The following FSIP2 variants were observed in gnomAD, a reference collection of about 807,000 sequenced individuals.
The protein encoded by FSIP2 is fibrous sheath-interacting protein 2.
FSIP2 carries 367 observed loss-of-function variants against 510.5 expected under a neutral mutation model. The ratio of observed to expected loss-of-function variants is 0.72; its 90% confidence interval spans 0.66 to 0.78. The LOEUF is 0.78. Among genes scored for constraint, FSIP2 ranks in the 30% least tolerant of loss-of-function variants. The probability of loss-of-function intolerance (pLI) is 0.00; values close to 1 mark genes in which losing one functional copy is unlikely to be tolerated. For synonymous variants in FSIP2, 2,601 were observed against 2,732.2 expected (o/e 0.95, Z 1.50); for missense variants, 7,594 against 7,901.7 (o/e 0.96, Z 1.48).
chr2:185,831,131 A>T (rs946226199), intron 21 of FSIP2, among the ~76,000 whole-genome samples: 2 of 151,902 alleles, frequency 1.3e-5, no homozygotes, highest in African/African-American at 4.8e-5. Flanking sequence ...CATGTATTTA[A>T]GCCTTGTTTT....
Position 185,806,085 on chromosome 2 carries a change from A to G in FSIP2, c.16779A>G (p.Thr5593=), listed in dbSNP as rs189828771. Residue 5593 remains threonine, a synonymous_variant, in exon 17 of 23, where the codon ACA becomes ACG. Coordinates refer to ENST00000424728, the MANE Select transcript of FSIP2 (RefSeq NM_173651.4). ...ATTTTTCATTAATAATTGATGATAC[A>G]GAATATGAGAAGGAAGTACTTGGAT... ...YTHFSLIIDD[T]EYEKEVLGSD... 7.0e-4 allele frequency: 1,101 copies of G among 1,573,598 alleles called. 2 individuals carry two copies. The highest frequency in any genetic ancestry group is 8.6e-4 in the Non-Finnish European group (1,000 of 1,162,742).
chr2:185,780,324 A>C (rs1258130117), intron 13 of FSIP2, among the ~76,000 whole-genome samples: 1 of 151,798 alleles, frequency 6.6e-6, no homozygotes, highest in Non-Finnish European at 1.5e-5. Flanking sequence ...CATGTCCTTT[A>C]ACAACTTTAT....
intron 12 of FSIP2, 122 bp downstream of exon 12, chr2:185,763,411 T>C (rs998521393): frequency 1.6e-6 from 1 of 626,434 alleles, no homozygotes; most frequent in African/African-American, 1.8e-5. Context: ...TTCCCTGAAA[T>C]TAGTCATACA....
chr2:185,804,521 C>A lies in FSIP2; in HGVS notation c.15215C>A (p.Ser5072Ter). The change falls in exon 17 of 23, where the codon TCA becomes TAA. Residue 5072 changes from serine to a stop codon, truncating the protein, a stop_gained. Coordinates refer to ENST00000424728, the MANE Select transcript of FSIP2 (RefSeq NM_173651.4). LOFTEE classifies it high-confidence loss of function. ...LEEIYDYQVQSLVSGELESSS... is the reference protein window; with the variant it reads ...LEEIYDYQVQ Reference sequence around the variant, plus strand: ...GAAATATATGATTATCAAGTGCAGTCATTAGTTTCAGGAGAATTAGAGTCT... The same window carrying A: ...GAAATATATGATTATCAAGTGCAGTAATTAGTTTCAGGAGAATTAGAGTCT... 1 of 1,516,414 alleles carries A rather than the reference C, an allele frequency of 6.6e-7. No homozygotes were observed. The highest frequency in any genetic ancestry group is 1.2e-5 in the South Asian group (1 of 80,754). 93.9% of individuals were successfully genotyped at this position (1,516,414 alleles called of 1,614,324 possible).
chr2:185,757,854 G>T (rs949712124), intron 9 of FSIP2, among the ~76,000 whole-genome samples: 1 of 151,210 alleles, frequency 6.6e-6, no homozygotes, highest in African/African-American at 2.4e-5. Flanking sequence ...TGTATAAACA[G>T]ATGTATAGAT....
Position 185,795,969 on chromosome 2 carries a change from C to CT in FSIP2, c.8834dup (p.Ser2946IlefsTer4). 1.3e-6 allele frequency: 2 copies of CT among 1,534,754 alleles called. No homozygotes were observed. The highest frequency in any genetic ancestry group is 1.7e-6 in the Non-Finnish European group (2 of 1,146,058). ...TCCCACTCCAGATAGTGAAGAAACT[C>CT]TATCAAACAGTAAAGAACACATTAC... On this transcript the variant is annotated frameshift_variant, in exon 16 of 23. Transcript: ENST00000424728. LOFTEE classifies it high-confidence loss of function.
In FSIP2 at chr2:185,800,578, G is replaced by A. The variant is rs1163278878; in HGVS notation, c.11272G>A (p.Glu3758Lys). Residue 3758 changes from glutamate (E) to lysine (K), a missense_variant, in exon 17 of 23, where the codon GAG (glutamate) becomes AAG (lysine). By Grantham distance (56) the Glu-to-Lys change is moderately conservative. Coordinates refer to ENST00000424728, the MANE Select transcript of FSIP2 (RefSeq NM_173651.4). Reference protein sequence around the residue: ...KSVFLLNVVCEKLIRILLEEC... With the variant: ...KSVFLLNVVCKKLIRILLEEC... ...AGTTTTTCTTCTCAATGTTGTATGT[G>A]AGAAACTTATCAGAATACTTTTGGA... is the stretch of plus-strand genomic sequence containing the variant. The A allele has an allele frequency of 6.5e-6, 10 of 1,530,010 alleles. No homozygotes were observed. The highest frequency in any genetic ancestry group is 2.0e-5 in the Admixed American group (1 of 50,136). 94.8% of individuals were successfully genotyped at this position (1,530,010 alleles called of 1,614,324 possible).
intron 14 of FSIP2, among the ~76,000 whole-genome samples, chr2:185,785,030 TG>T (rs1319070658): frequency 6.6e-6 from 1 of 152,086 alleles, no homozygotes; most frequent in Non-Finnish European, 1.5e-5. Flanking sequence ...TGTATGCTTT[TG>T]GAGCAAAAAG....
In FSIP2 at chr2:185,801,119, C is replaced by T. The variant is rs533548666; in HGVS notation, c.11813C>T (p.Ser3938Phe). The change falls in exon 17 of 23, where the codon TCC (serine) becomes TTC (phenylalanine). Residue 3938 changes from serine to phenylalanine, a missense_variant. By Grantham distance (155) the Ser-to-Phe change is radical. Coordinates refer to ENST00000424728, the MANE Select transcript of FSIP2 (RefSeq NM_173651.4). ...APFNKHCAVK[S>F]SSVSPFERQR... is the part of the protein sequence containing the mutation. ...TTTAACAAGCATTGTGCAGTAAAAT[C>T]CTCTTCTGTGTCACCTTTTGAAAGA... 1.5e-4 allele frequency: 233 copies of T among 1,533,242 alleles called. No homozygotes were observed. The highest frequency in any genetic ancestry group is 1.5e-4 in the Non-Finnish European group (170 of 1,145,370). The allele number at this position is 1,533,242 out of a possible 1,614,324, so 95.0% of individuals were successfully genotyped here. A position where few individuals can be genotyped will look rare whatever the true frequency, so the allele number is the denominator to read the frequency against.
intron 18 of FSIP2, among the ~76,000 whole-genome samples, chr2:185,814,351 T>C (rs1399793462): frequency 2.0e-5 from 3 of 152,066 alleles, no homozygotes; most frequent in Non-Finnish European, 4.4e-5. Flanking sequence ...TTTTGGCTGG[T>C]AAACACTCAT....
chr2:185,816,855 C>CAGAGAGAG (rs58545522), intron 19 of FSIP2, among the ~76,000 whole-genome samples: 37 of 140,196 alleles, frequency 2.6e-4, no homozygotes, highest in African/African-American at 1.0e-3. Flanking sequence ...AACTCTGAGA[C>CAGAGAGAG]AGAGAGAGAG....
At chr2:185,746,595 A>G in intron 5 of FSIP2, 74 bp from the exon 6 acceptor site, 3 of 1,133,922 alleles carry the variant, frequency 2.6e-6, no homozygotes, top group Non-Finnish European at 3.6e-6. Context: ...GTGGTTTGGG[A>G]ATGGCATAGC....
At position 185,800,919 on chromosome 2, in the gene FSIP2, G is replaced by T. The variant is rs1255519035; in HGVS notation, c.11613G>T (p.Lys3871Asn). The change falls in exon 17 of 23, where the codon AAG becomes AAT. Residue 3871 changes from lysine (K) to asparagine (N), a missense_variant. Physicochemically the swap from Lys to Asn is moderately conservative, Grantham distance 94. Coordinates refer to ENST00000424728, the MANE Select transcript of FSIP2 (RefSeq NM_173651.4). ...CGGAAAGTCTACCTTTTGCAAATAA[G>T]CATTTGAACTACAGAACAAGAGAAA... ...QAPESLPFAN[K>N]HLNYRTREIQ... 9 of 1,531,988 alleles carry T rather than the reference G, an allele frequency of 5.9e-6. No homozygotes were observed. The highest frequency in any genetic ancestry group is 4.0e-5 in the Admixed American group (2 of 50,558). 94.9% of individuals were successfully genotyped at this position (1,531,988 alleles called of 1,614,324 possible). A position where few individuals can be genotyped will look rare whatever the true frequency, so the allele number is the denominator to read the frequency against.
rs1181148859 is a variant in FSIP2 at position 185,824,414 on chromosome 2, TTC to T, written c.20427-18_20427-17del. ...TTTATCAAATTCACCCTAAATGATGTTCTTTTTCTTTTGTTTTAGTGAGGCTG... is the reference window on the plus strand; with the variant it reads ...TTTATCAAATTCACCCTAAATGATGTTTTTTCTTTTGTTTTAGTGAGGCTG... On this transcript the variant is annotated intron_variant, in intron 19 of 22. Transcript: ENST00000424728. 6.4e-7 allele frequency: 1 copy of T among 1,555,616 alleles called. No homozygotes were observed. Among genetic ancestry groups the T allele is most frequent in the South Asian group, 1.2e-5 (1 of 84,012 alleles).
chr2:185,791,499 C>T lies in FSIP2; in HGVS notation c.4363C>T (p.Gln1455Ter). The change falls in exon 16 of 23, where the codon CAG becomes TAG. Residue 1455 changes from glutamine (Q) to a stop codon, truncating the protein, a stop_gained. Transcript: ENST00000424728. LOFTEE classifies it high-confidence loss of function. ...SKLLGTHLHS[Q>*]LSCSQQSREM... is the part of the protein sequence containing the mutation. Reference sequence around the variant, plus strand: ...GCTCCTGGGGACCCATCTTCATTCTCAGCTATCTTGTAGTCAACAAAGCAG... The same window carrying T: ...GCTCCTGGGGACCCATCTTCATTCTTAGCTATCTTGTAGTCAACAAAGCAG... The T allele has an allele frequency of 1.3e-6, 2 of 1,534,342 alleles. No individual in the cohort carries two copies. Among genetic ancestry groups the T allele is most frequent in the South Asian group, 1.2e-5 (1 of 84,018 alleles).
chr2:185,799,559 ATTTC>A (rs1273611356), intron 16 of FSIP2, 134 bp from the exon 17 acceptor site: 1 of 431,936 alleles, frequency 2.3e-6, no homozygotes, highest in African/African-American at 2.1e-5. Flanking sequence ...GGAAAATCTA[ATTTC>A]TTTTTTTGTT....
At chr2:185,752,793 A>C (rs1256939933) in intron 7 of FSIP2, among the ~76,000 whole-genome samples, 1 of 151,352 alleles carries the variant, frequency 6.6e-6, no homozygotes, top group Non-Finnish European at 1.5e-5. Flanking sequence ...ATTTCAGTTG[A>C]TAGATCTACT....
At position 185,800,945 on chromosome 2, in the gene FSIP2, T is replaced by C. The variant is rs534609745; in HGVS notation, c.11639T>C (p.Ile3880Thr). 6.9e-5 allele frequency: 106 copies of C among 1,530,274 alleles called. No homozygotes were observed. The African/African-American group carries it at 1.3e-3, about 19-fold the overall frequency. 94.8% of individuals were successfully genotyped at this position (1,530,274 alleles called of 1,614,324 possible). ...CATTTGAACTACAGAACAAGAGAAATACAGTCTAGTTTCATAAAAGCAAGA... is the reference window on the plus strand; with the variant it reads ...CATTTGAACTACAGAACAAGAGAAACACAGTCTAGTTTCATAAAAGCAAGA... ...NKHLNYRTREIQSSFIKARKS... is the reference protein window; with the variant it reads ...NKHLNYRTRETQSSFIKARKS... Residue 3880 changes from isoleucine to threonine, a missense_variant, in exon 17 of 23, where the codon ATA becomes ACA. Physicochemically the swap from Ile to Thr is moderately conservative, Grantham distance 89. Transcript: ENST00000424728.
Position 185,800,481 on chromosome 2 carries a change from A to T in FSIP2, c.11175A>T (p.Thr3725=). ...TGMDSGKIQR[T]YFYSSNNEQP... is the part of the protein sequence containing the mutation. ...TGGATTCTGGTAAAATACAAAGAAC[A>T]TATTTCTACTCCTCGAATAATGAGC... is the stretch of plus-strand genomic sequence containing the variant. Residue 3725 remains threonine, a synonymous_variant, in exon 17 of 23, where the codon ACA becomes ACT. Coordinates refer to ENST00000424728, the MANE Select transcript of FSIP2 (RefSeq NM_173651.4). The T allele has an allele frequency of 6.5e-7, 1 of 1,533,354 alleles. No individual in the cohort carries two copies. The highest frequency in any genetic ancestry group is 8.7e-7 in the Non-Finnish European group (1 of 1,145,308). The allele number at this position is 1,533,354 out of a possible 1,614,324, so 95.0% of individuals were successfully genotyped here.
Sources: allele counts gnomAD v4.1 joint callset (sites outside exome capture counted in the v4.1 genomes callset), GRCh38; gene constraint gnomAD v4.1.1; transcripts MANE v1.5; gene names NCBI Gene and HGNC (gene_info 2026-07-23, HGNC 2026-07-21).